The following RASEF variants were observed in gnomAD, a reference collection of about 807,000 sequenced individuals.
RASEF encodes ras and EF-hand domain-containing protein.
RASEF carries 68 observed loss-of-function variants against 90.1 expected under a neutral mutation model. The observed-to-expected ratio is 0.75, with a 90% CI of 0.62 to 0.92. The LOEUF is 0.92. Ranked by LOEUF, RASEF falls within the 40% of genes least tolerant of loss-of-function variation. RASEF has a pLI of 0.00. For missense variants in RASEF, 949 were observed against 937.2 expected (o/e 1.01, Z -0.16); for synonymous variants, 331 against 345.2 (o/e 0.96, Z 0.46).
At chr9:83,069,259 A>G in the RASEF span, among the ~76,000 whole-genome samples, 1 of 152,228 alleles carries the variant, frequency 6.6e-6, no homozygotes, top group Non-Finnish European at 1.5e-5. Flanking sequence ...TATCTGTTTA[A>G]CTTCTACTTA....
intron 5 of RASEF, among the ~76,000 whole-genome samples, chr9:83,010,168 C>G (rs573129844): frequency 6.6e-6 from 1 of 152,272 alleles, no homozygotes; most frequent in South Asian, 2.1e-4. Flanking sequence ...CTACTTTTTA[C>G]AAATAAATTC....
chr9:82,982,576 G>T lies in RASEF; in HGVS notation c.*101C>A. 1.3e-6 allele frequency: 1 copy of T among 744,458 alleles called. No individual in the cohort carries two copies. The highest frequency in any genetic ancestry group is 1.8e-5 in the Admixed American group (1 of 56,742). The allele number at this position is 744,458 out of a possible 1,614,324, so 46.1% of individuals were successfully genotyped here. A position where few individuals can be genotyped will look rare whatever the true frequency, so the allele number is the denominator to read the frequency against. Reference sequence around the variant, plus strand: ...TTTCCTGCACTGTAACTCTCCATAGGACAGTGTCAGTAGGATGTGCCACTC... The same window carrying T: ...TTTCCTGCACTGTAACTCTCCATAGTACAGTGTCAGTAGGATGTGCCACTC... On this transcript the variant is annotated 3_prime_UTR_variant, in exon 17 of 17. Coordinates refer to ENST00000376447, the MANE Select transcript of RASEF (RefSeq NM_152573.4).
chr9:83,022,681 A>G (rs986834041), intron 2 of RASEF, among the ~76,000 whole-genome samples: 2 of 152,190 alleles, frequency 1.3e-5, no homozygotes, highest in Non-Finnish European at 2.9e-5. Context: ...ATGTGTCTTT[A>G]GGAGATTTTT....
chr9:83,116,606 A>T, the RASEF span, among the ~76,000 whole-genome samples: 2 of 152,186 alleles, frequency 1.3e-5, no homozygotes, highest in Non-Finnish European at 2.9e-5. Context: ...TAGTCACTAG[A>T]GGTTTTATAT....
the RASEF span, among the ~76,000 whole-genome samples, chr9:83,206,957 G>A: frequency 5.3e-5 from 8 of 151,920 alleles, no homozygotes; most frequent in Non-Finnish European, 1.2e-4. Context: ...CGTCTAGGCC[G>A]GTCCCTTCAG....
chr9:83,025,287 G>A (rs919111371), intron 2 of RASEF, among the ~76,000 whole-genome samples: 1 of 152,178 alleles, frequency 6.6e-6, no homozygotes, highest in African/African-American at 2.4e-5. Flanking sequence ...CCACCATGTG[G>A]TGGGCAGTGT....
chr9:83,003,522 T>C (rs1271486449), intron 9 of RASEF, among the ~76,000 whole-genome samples: 1 of 152,226 alleles, frequency 6.6e-6, no homozygotes. Context: ...CACCTACACA[T>C]TTTTAAAAAT....
chr9:83,080,004 T>C, the RASEF span, among the ~76,000 whole-genome samples: 1 of 152,226 alleles, frequency 6.6e-6, no homozygotes, highest in South Asian at 2.1e-4. Flanking sequence ...TAGGTAGAAA[T>C]GTTAAAAATC....
chr9:83,212,684 C>T, the RASEF span, among the ~76,000 whole-genome samples: 2 of 152,206 alleles, frequency 1.3e-5, no homozygotes, highest in Non-Finnish European at 2.9e-5. Flanking sequence ...CTCCCAGCTC[C>T]TCTGCAGGGT....
At chr9:83,214,015 T>C in the RASEF span, among the ~76,000 whole-genome samples, 1 of 151,634 alleles carries the variant, frequency 6.6e-6, no homozygotes. Context: ...AGCCCAGGAG[T>C]TCAAGACTGT....
chr9:83,038,285 C>T (rs528667953), intron 1 of RASEF, among the ~76,000 whole-genome samples: 1 of 152,066 alleles, frequency 6.6e-6, no homozygotes, highest in South Asian at 2.1e-4. Flanking sequence ...CATGTCAATA[C>T]CAAGACAAAA....
the RASEF span, among the ~76,000 whole-genome samples, chr9:83,175,545 C>T: frequency 1.4e-4 from 21 of 151,532 alleles, no homozygotes; most frequent in East Asian, 2.5e-3. Flanking sequence ...ATATTAATTT[C>T]ATTTCATTGT....
chr9:83,192,230 A>C, the RASEF span, among the ~76,000 whole-genome samples: 1 of 152,188 alleles, frequency 6.6e-6, no homozygotes, highest in Non-Finnish European at 1.5e-5. Flanking sequence ...GATATAAATC[A>C]TTCTATCACA....
chr9:83,015,867 G>C lies in RASEF; in HGVS notation c.703C>G (p.Leu235Val). 1 of 1,613,838 alleles carries C rather than the reference G, an allele frequency of 6.2e-7. No homozygotes were observed. Among genetic ancestry groups the C allele is most frequent in the Non-Finnish European group, 8.5e-7 (1 of 1,179,884 alleles). ...KRKAEEALSD[L>V]RRQYETEVGD... ...ACTTCAGTTTCATACTGACGTCTGA[G>C]GTCACTGAGGGCTTCCTCAGCTTTG... is the stretch of plus-strand genomic sequence containing the variant. The change falls in exon 4 of 17, where the codon CTC becomes GTC. Residue 235 changes from leucine (L) to valine (V), a missense_variant. This residue lies in a region of RASEF where 656 missense variants were observed against 592.2 expected (regional missense o/e 1.11). Coordinates refer to ENST00000376447, the MANE Select transcript of RASEF (RefSeq NM_152573.4).
chr9:83,205,381 A>G, the RASEF span, among the ~76,000 whole-genome samples: 1 of 152,188 alleles, frequency 6.6e-6, no homozygotes, highest in Non-Finnish European at 1.5e-5. Flanking sequence ...TATCACTTGC[A>G]ATCAAAATAA....
chr9:83,189,229 A>T, the RASEF span, among the ~76,000 whole-genome samples: 1 of 152,132 alleles, frequency 6.6e-6, no homozygotes, highest in Non-Finnish European at 1.5e-5. Context: ...TGAGGGTTTT[A>T]TAAGGGGCTT....
At chr9:83,073,705 A>C in the RASEF span, among the ~76,000 whole-genome samples, 1 of 152,224 alleles carries the variant, frequency 6.6e-6, no homozygotes, top group East Asian at 1.9e-4. Context: ...AAAGAGTAAA[A>C]TATTCCTTCT....
At chr9:83,057,824 T>C (rs1294889884) in intron 1 of RASEF, among the ~76,000 whole-genome samples, 1 of 133,826 alleles carries the variant, frequency 7.5e-6, no homozygotes, top group Non-Finnish European at 1.5e-5. Context: ...TACATATTCA[T>C]ATATACATAT....
chr9:83,131,017 G>A, the RASEF span, among the ~76,000 whole-genome samples: 20 of 152,174 alleles, frequency 1.3e-4, no homozygotes, highest in Non-Finnish European at 1.5e-4. Context: ...CTAGCAGTGT[G>A]ATGTTTCTGT....
Sources: allele counts gnomAD v4.1 joint callset (sites outside exome capture counted in the v4.1 genomes callset), GRCh38; gene constraint gnomAD v4.1.1; regional missense constraint gnomAD v4.1.1; transcripts MANE v1.5; gene names NCBI Gene and HGNC (gene_info 2026-07-23, HGNC 2026-07-21).